Variants in KCNJ6 observed in about 807,000 individuals in gnomAD.
The protein encoded by KCNJ6 is G protein-activated inward rectifier potassium channel 2.
Under a neutral mutation model 34.2 loss-of-function variants are expected in KCNJ6, and 9 were observed. The observed-to-expected ratio is 0.26, with a 90% CI of 0.16 to 0.46. The LOEUF (loss-of-function observed/expected upper bound fraction) is 0.46, where lower values mean the gene tolerates loss of function less well. Among genes scored for constraint, KCNJ6 ranks in the 20% least tolerant of loss-of-function variants. The pLI is 1.00. For missense variants in KCNJ6, 236 were observed against 531.3 expected (o/e 0.44, Z 5.46); for synonymous variants, 196 against 207.1 (o/e 0.95, Z 0.46).
intron 1 of KCNJ6, among the ~76,000 whole-genome samples, chr21:37,888,997 C>T (rs1414742903): frequency 6.6e-6 from 1 of 152,228 alleles, no homozygotes; most frequent in Non-Finnish European, 1.5e-5. Context: ...CCTCTCTCCA[C>T]CTGACACCAT....
intron 3 of KCNJ6, among the ~76,000 whole-genome samples, chr21:37,657,461 C>T (rs776305804): frequency 2.6e-5 from 4 of 152,082 alleles, no homozygotes; most frequent in Admixed American, 6.5e-5. Context: ...GCCATAAGGA[C>T]GGGGGATTCT....
rs2123360921 is a variant in KCNJ6, at chr21:37,624,869, T to C, written c.*290A>G. ...GTATTGTACAACACATGCAGGTAAG[T>C]AACTGAAATCTCCAGGAGTTGGATG... On this transcript the variant is annotated 3_prime_UTR_variant, in exon 4 of 4. Transcript: ENST00000609713. The C allele has an allele frequency of 2.3e-6, 1 of 440,452 alleles. No homozygotes were observed. Among genetic ancestry groups the C allele is most frequent in the South Asian group, 3.0e-5 (1 of 32,990 alleles). The allele number at this position is 440,452 out of a possible 1,614,324, so 27.3% of individuals were successfully genotyped here. A position where few individuals can be genotyped will look rare whatever the true frequency, so the allele number is the denominator to read the frequency against.
At chr21:37,910,546 C>T (rs188764271) in intron 1 of KCNJ6, among the ~76,000 whole-genome samples, 1 of 152,196 alleles carries the variant, frequency 6.6e-6, no homozygotes, top group Non-Finnish European at 1.5e-5. Context: ...GGACATGGAT[C>T]TTTTTAGCCA....
At chr21:37,838,923 T>C (rs1162673576) in intron 2 of KCNJ6, among the ~76,000 whole-genome samples, 2 of 152,130 alleles carry the variant, frequency 1.3e-5, no homozygotes, top group Non-Finnish European at 2.9e-5. Flanking sequence ...TCCAGTTGTT[T>C]AAAAGTGTAT....
intron 1 of KCNJ6, among the ~76,000 whole-genome samples, chr21:37,894,489 C>A (rs888705126): frequency 6.6e-6 from 1 of 151,946 alleles, no homozygotes; most frequent in African/African-American, 2.4e-5. Flanking sequence ...ATAGTGAAAC[C>A]CTGTCTCTAC....
chr21:37,888,310 C>G (rs2123631709), intron 1 of KCNJ6, among the ~76,000 whole-genome samples: 1 of 152,330 alleles, frequency 6.6e-6, no homozygotes, highest in South Asian at 2.1e-4. Context: ...GCCTCTCCAT[C>G]ATTCAAACCA....
At chr21:37,791,695 C>T (rs959509596) in intron 2 of KCNJ6, among the ~76,000 whole-genome samples, 1 of 152,176 alleles carries the variant, frequency 6.6e-6, no homozygotes, top group Non-Finnish European at 1.5e-5. Flanking sequence ...TAATAGTTCT[C>T]TAAGGTGGCA....
At chr21:37,779,668 T>G (rs915004818) in intron 2 of KCNJ6, among the ~76,000 whole-genome samples, 2 of 152,196 alleles carry the variant, frequency 1.3e-5, no homozygotes, top group African/African-American at 4.8e-5. Flanking sequence ...AGCCTCTGTT[T>G]GAAGCAGGAA....
intron 2 of KCNJ6, among the ~76,000 whole-genome samples, chr21:37,740,107 C>A (rs965283597): frequency 1.4e-4 from 22 of 152,172 alleles, no homozygotes; most frequent in African/African-American, 5.3e-4. Context: ...ATGCTGTGCC[C>A]AGCACTACTA....
At chr21:37,760,100 T>C (rs2055052992) in intron 2 of KCNJ6, among the ~76,000 whole-genome samples, 1 of 152,172 alleles carries the variant, frequency 6.6e-6, no homozygotes, top group Non-Finnish European at 1.5e-5. Flanking sequence ...AGCCTTCAGA[T>C]AACTGCAGAC....
chr21:37,712,748 T>C lies in KCNJ6; in HGVS notation c.946+1463A>G, dbSNP rs1350551903. 6.5e-3 allele frequency among the ~76,000 whole-genome samples: 290 copies of C among 44,360 alleles called. 44 individuals are homozygous for C. The highest frequency in any genetic ancestry group is 0.012 in the Admixed American group (35 of 3,020). The allele number at this position is 44,360 out of a possible 152,430, so 29.1% of individuals were successfully genotyped here. On this transcript the variant is annotated intron_variant, in intron 3 of 3. Coordinates refer to ENST00000609713, the MANE Select transcript of KCNJ6 (RefSeq NM_002240.5). ...CCTTCCTCCCCTTCTCCTCCTCTCCTTCCTCCCCTTCCTCCTCCCCTGCCT... is the reference window on the plus strand; with the variant it reads ...CCTTCCTCCCCTTCTCCTCCTCTCCCTCCTCCCCTTCCTCCTCCCCTGCCT...
At chr21:37,870,841 C>T (rs1185353544) in intron 1 of KCNJ6, among the ~76,000 whole-genome samples, 2 of 152,180 alleles carry the variant, frequency 1.3e-5, no homozygotes, top group Non-Finnish European at 2.9e-5. Flanking sequence ...ACAGCTTCTG[C>T]ACCCGGTGGG....
At position 37,623,943 on chromosome 21, in the gene KCNJ6, T is replaced by A. The variant is rs978361542; in HGVS notation, c.*1216A>T. ...ATTATAATGCATGCCACTCACTACA[T>A]GCCTTTGTGAATTTCACGGCTTTAG... On this transcript the variant is annotated 3_prime_UTR_variant, in exon 4 of 4. Coordinates refer to ENST00000609713, the MANE Select transcript of KCNJ6 (RefSeq NM_002240.5). 1 of 152,250 alleles carries A rather than the reference T, an allele frequency of 6.6e-6. No individual in the cohort carries two copies. The highest frequency in any genetic ancestry group is 6.5e-5 in the Admixed American group (1 of 15,280). The allele number at this position is 152,250 out of a possible 1,614,324, so 9.4% of individuals were successfully genotyped here.
rs984167106 is a variant in KCNJ6, at chr21:37,624,827, C to A, written c.*332G>T. On this transcript the variant is annotated 3_prime_UTR_variant, in exon 4 of 4. Coordinates refer to ENST00000609713, the MANE Select transcript of KCNJ6 (RefSeq NM_002240.5). Reference sequence around the variant, plus strand: ...TATCCCAGGTAAAATCTTTGACACACCTTTTTGAGTGATCTGGTATTGTAC... The same window carrying A: ...TATCCCAGGTAAAATCTTTGACACAACTTTTTGAGTGATCTGGTATTGTAC... 1 of 255,690 alleles carries A rather than the reference C, an allele frequency of 3.9e-6. No individual in the cohort carries two copies. Among genetic ancestry groups the A allele is most frequent in the East Asian group, 9.0e-5 (1 of 11,116 alleles). 15.8% of individuals were successfully genotyped at this position (255,690 alleles called of 1,614,324 possible).
chr21:37,774,351 C>CT lies in KCNJ6; in HGVS notation c.26-59221dup, dbSNP rs527658314. Among the ~76,000 whole-genome samples the CT allele has an allele frequency of 5.4e-3, 803 of 149,202 alleles. 4 individuals are homozygous for CT. The highest frequency in any genetic ancestry group is 0.015 in the African/African-American group (614 of 40,732). ...ATGCAGGGTTTACCTTAGGGCTATT[C>CT]TTTTTTTTTTATTATACTTTAAGTT... On this transcript the variant is annotated intron_variant, in intron 2 of 3. Coordinates refer to ENST00000609713, the MANE Select transcript of KCNJ6 (RefSeq NM_002240.5).
chr21:37,792,915 T>G (rs1188661628), intron 2 of KCNJ6, among the ~76,000 whole-genome samples: 3 of 152,156 alleles, frequency 2.0e-5, no homozygotes, highest in Non-Finnish European at 4.4e-5. Flanking sequence ...CATAGATTGG[T>G]CAAGGCCCTG....
chr21:37,796,717 C>T (rs2055243943), intron 2 of KCNJ6, among the ~76,000 whole-genome samples: 1 of 149,880 alleles, frequency 6.7e-6, no homozygotes, highest in African/African-American at 2.4e-5. Context: ...TATTATTTGT[C>T]AATACAGTTG....
At chr21:37,746,357 G>T (rs1011756606) in intron 2 of KCNJ6, among the ~76,000 whole-genome samples, 2 of 152,190 alleles carry the variant, frequency 1.3e-5, no homozygotes, top group East Asian at 3.9e-4. Flanking sequence ...CAAATCATGA[G>T]GTTGCAAGAG....
chr21:37,849,087 G>C (rs2123588494), intron 1 of KCNJ6, among the ~76,000 whole-genome samples: 1 of 152,288 alleles, frequency 6.6e-6, no homozygotes, highest in East Asian at 1.9e-4. Flanking sequence ...GAGACTGCAG[G>C]GAGGCACTGA....
Sources: gnomAD v4.1 joint callset for allele counts (sites outside exome capture counted in the v4.1 genomes callset) on GRCh38, gnomAD v4.1.1 for gene constraint, MANE v1.5 for transcripts, NCBI Gene and HGNC (gene_info 2026-07-23, HGNC 2026-07-21) for gene names.